LINGO2: variants seen among roughly 807,000 people sequenced by gnomAD.
The protein encoded by LINGO2 is leucine rich repeat and Ig domain containing 2, also known as leucine-rich repeat and immunoglobulin-like domain-containing nogo receptor-interacting protein 2.
A neutral mutation model predicts 30.6 loss-of-function variants in LINGO2; 14 were observed. That is an observed-to-expected ratio of 0.46 (90% CI 0.30 to 0.72). The LOEUF is 0.72. Among genes scored for constraint, LINGO2 ranks in the 30% least tolerant of loss-of-function variants. LINGO2 has a pLI of 0.07. For synonymous variants in LINGO2, 317 were observed against 288.5 expected, an observed-to-expected ratio of 1.10 and a Z score of -1.00; for missense variants, 729 against 751.7, an observed-to-expected ratio of 0.97 and a Z score of 0.35.
chr9:28,560,949 A>G (rs1823022287), intron 1 of LINGO2, among the ~76,000 whole-genome samples: 1 of 152,114 alleles, frequency 6.6e-6, no homozygotes, highest in Non-Finnish European at 1.5e-5. Context: ...TGCCGGGATT[A>G]CAGGTATAAG....
At chr9:28,054,111 C>A (rs1389979179) in intron 4 of LINGO2, among the ~76,000 whole-genome samples, 1 of 151,806 alleles carries the variant, frequency 6.6e-6, no homozygotes, top group African/African-American at 2.4e-5. Context: ...TGGGGAGAAG[C>A]CTGTTATAAA....
At chr9:28,418,237 C>T (rs1220922495) in intron 2 of LINGO2, among the ~76,000 whole-genome samples, 1 of 150,760 alleles carries the variant, frequency 6.6e-6, no homozygotes, top group East Asian at 2.0e-4. Context: ...TAAGTCCTAA[C>T]TCTGCCATTT....
At chr9:29,187,780 A>AATT in the LINGO2 span, among the ~76,000 whole-genome samples, 1 of 118,848 alleles carries the variant, frequency 8.4e-6, no homozygotes, top group African/African-American at 3.1e-5. Context: ...ATACATTTCA[A>AATT]TTTTTTTTTT....
At chr9:28,972,055 C>T in the LINGO2 span, among the ~76,000 whole-genome samples, 5 of 152,204 alleles carry the variant, frequency 3.3e-5, no homozygotes, top group Admixed American at 6.5e-5. Flanking sequence ...CAAAGCAGTA[C>T]CTTTATGAGT....
chr9:28,684,659 C>T, the LINGO2 span, among the ~76,000 whole-genome samples: 1 of 151,672 alleles, frequency 6.6e-6, no homozygotes, highest in African/African-American at 2.4e-5. Flanking sequence ...GCTGGGACCA[C>T]AAGCACACAC....
At chr9:28,145,577 A>G (rs903728698) in intron 4 of LINGO2, among the ~76,000 whole-genome samples, 4 of 152,024 alleles carry the variant, frequency 2.6e-5, no homozygotes, top group Non-Finnish European at 4.4e-5. Context: ...TTTTGTGAAC[A>G]CTTGGAAAAC....
At chr9:29,121,043 A>C in the LINGO2 span, among the ~76,000 whole-genome samples, 4 of 152,198 alleles carry the variant, frequency 2.6e-5, no homozygotes, top group African/African-American at 9.7e-5. Flanking sequence ...CATCAAAAAA[A>C]GGTCAATATA....
intron 4 of LINGO2, among the ~76,000 whole-genome samples, chr9:28,202,570 C>T (rs1820274922): frequency 6.6e-6 from 1 of 152,004 alleles, no homozygotes; most frequent in Non-Finnish European, 1.5e-5. Context: ...GTCCCCCCCG[C>T]CAGAAAGGAT....
chr9:28,293,983 G>A (rs953197967), intron 4 of LINGO2, among the ~76,000 whole-genome samples: 1 of 152,022 alleles, frequency 6.6e-6, no homozygotes, highest in Non-Finnish European at 1.5e-5. Flanking sequence ...TTGCCACTAA[G>A]CAAGACAAAA....
the LINGO2 span, among the ~76,000 whole-genome samples, chr9:28,942,821 T>C: frequency 6.6e-6 from 1 of 152,176 alleles, no homozygotes; most frequent in South Asian, 2.1e-4. Context: ...GCTATCTCCC[T>C]CTCCCTTCCC....
At chr9:28,301,899 C>T (rs980917166) in intron 3 of LINGO2, among the ~76,000 whole-genome samples, 2 of 152,084 alleles carry the variant, frequency 1.3e-5, no homozygotes, top group African/African-American at 4.8e-5. Flanking sequence ...ATCCTACAAG[C>T]CAGAAGAGAT....
the LINGO2 span, among the ~76,000 whole-genome samples, chr9:29,086,510 A>G: frequency 1.3e-5 from 2 of 152,112 alleles, no homozygotes; most frequent in Non-Finnish European, 2.9e-5. Context: ...CTGACCCTCA[A>G]TTCCACACTT....
chr9:28,320,200 A>G (rs1824989176), intron 3 of LINGO2, among the ~76,000 whole-genome samples: 1 of 152,044 alleles, frequency 6.6e-6, no homozygotes, highest in Admixed American at 6.6e-5. Context: ...CATTTCCAAG[A>G]AGAAGCAGCA....
the LINGO2 span, among the ~76,000 whole-genome samples, chr9:29,030,822 C>A: frequency 6.6e-6 from 1 of 152,064 alleles, no homozygotes; most frequent in South Asian, 2.1e-4. Flanking sequence ...TATTTGTCCA[C>A]CAAATTTACA....
intron 5 of LINGO2, among the ~76,000 whole-genome samples, chr9:28,005,343 G>T (rs1320366058): frequency 3.3e-5 from 5 of 152,156 alleles, no homozygotes; most frequent in African/African-American, 9.7e-5. Context: ...CTGCTCTGGT[G>T]AGGATATCAT....
downstream of LINGO2, among the ~76,000 whole-genome samples, chr9:27,945,057 G>A (rs1437446605): frequency 6.6e-6 from 1 of 152,098 alleles, no homozygotes; most frequent in East Asian, 1.9e-4. Flanking sequence ...TGAAAATTAT[G>A]TAATTTTTTT....
intron 5 of LINGO2, among the ~76,000 whole-genome samples, chr9:27,985,551 A>G (rs1821083860): frequency 6.9e-6 from 1 of 145,046 alleles, no homozygotes; most frequent in African/African-American, 2.7e-5. Context: ...ATTTGAGGAT[A>G]ATTTTTGGGG....
chr9:28,185,263 A>G (rs1819501306), intron 4 of LINGO2, among the ~76,000 whole-genome samples: 1 of 152,180 alleles, frequency 6.6e-6, no homozygotes, highest in Admixed American at 6.5e-5. Flanking sequence ...TGCCACATCC[A>G]TTTTAATTTT....
At chr9:28,825,810 T>C in the LINGO2 span, among the ~76,000 whole-genome samples, 1 of 152,138 alleles carries the variant, frequency 6.6e-6, no homozygotes, top group African/African-American at 2.4e-5. Flanking sequence ...CCTACACTGT[T>C]CAGTTGATTG....
Sources: allele counts gnomAD v4.1 joint callset (sites outside exome capture counted in the v4.1 genomes callset), GRCh38; gene constraint gnomAD v4.1.1; transcripts MANE v1.5; gene names NCBI Gene and HGNC (gene_info 2026-07-23, HGNC 2026-07-21).